The following ADCK1 variants were observed in gnomAD, a reference collection of about 807,000 sequenced individuals.
The protein encoded by ADCK1 is aarF domain containing kinase 1, also known as aarF domain-containing protein kinase 1.
In ADCK1, 41 loss-of-function variants were observed where a neutral mutation model predicts 52.3. The ratio of observed to expected loss-of-function variants is 0.78; its 90% CI spans 0.61 to 1.02. The LOEUF is 1.02. ADCK1 is among the 50% of genes least tolerant of loss of function. The pLI is 0.00. For missense variants in ADCK1, 658 were observed against 679.5 expected (o/e 0.97, Z 0.35); for synonymous variants, 250 against 274.6 (o/e 0.91, Z 0.89).
At chr14:77,839,792 G>A (rs527577157) in intron 3 of ADCK1, among the ~76,000 whole-genome samples, 8 of 151,902 alleles carry the variant, frequency 5.3e-5, no homozygotes, top group African/African-American at 1.9e-4. Flanking sequence ...GTGTGGTAGT[G>A]CGCGCCTCCT....
chr14:77,847,801 A>C (rs549870177), intron 3 of ADCK1, among the ~76,000 whole-genome samples: 5 of 152,152 alleles, frequency 3.3e-5, no homozygotes, highest in African/African-American at 1.2e-4. Context: ...AATGATTCCC[A>C]ATCTGTTTCT....
At chr14:77,917,800 T>C (rs963649406) in intron 7 of ADCK1, among the ~76,000 whole-genome samples, 2 of 152,196 alleles carry the variant, frequency 1.3e-5, no homozygotes, top group Non-Finnish European at 2.9e-5. Context: ...GATTTCCCAC[T>C]GAGACTCTTT....
intron 6 of ADCK1, among the ~76,000 whole-genome samples, chr14:77,906,127 A>C (rs2083659764): frequency 1.3e-5 from 2 of 152,244 alleles, no homozygotes; most frequent in Non-Finnish European, 2.9e-5. Flanking sequence ...TGGGATGTAA[A>C]GAAGTTAAGT....
chr14:77,913,196 G>A (rs28580220), intron 7 of ADCK1, among the ~76,000 whole-genome samples: 6,119 of 152,306 alleles, frequency 0.04, 417 homozygotes, highest in African/African-American at 0.14. Flanking sequence ...GTAGAAGTTT[G>A]CAAGAATCTG....
intron 3 of ADCK1, chr14:77,827,860 G>C: frequency 2.4e-6 from 1 of 410,700 alleles, no homozygotes; most frequent in Admixed American, 3.0e-5. Flanking sequence ...CTAGAGTCTT[G>C]CTGTATCTCC....
chr14:77,907,175 A>G (rs1193790202), intron 6 of ADCK1, among the ~76,000 whole-genome samples: 1 of 152,046 alleles, frequency 6.6e-6, no homozygotes, highest in Non-Finnish European at 1.5e-5. Context: ...CAGCCTCCCA[A>G]AGTGCTGGGA....
Position 77,852,752 on chromosome 14 carries a change from T to C in ADCK1, c.220-6324T>C, listed in dbSNP as rs1392175148. On this transcript the variant is annotated intron_variant, in intron 3 of 10. Transcript: ENST00000238561. ...TTGGGGACTTCAACTACATATTTAC[T>C]AGGCTGCTTGAATTTGTTCCACAGT... Among the ~76,000 whole-genome samples, 9 of 135,380 alleles carry C rather than the reference T, an allele frequency of 6.6e-5. No individual in the cohort carries two copies. In the Admixed American group the frequency reaches 6.8e-4, roughly 10 times the overall value. The allele number at this position is 135,380 out of a possible 152,430, so 88.8% of individuals were successfully genotyped here.
chr14:77,812,071 G>A (rs947445251), intron 1 of ADCK1, among the ~76,000 whole-genome samples: 1 of 152,142 alleles, frequency 6.6e-6, no homozygotes, highest in African/African-American at 2.4e-5. Context: ...TGTGTACTGT[G>A]TAATGATTAC....
At chr14:77,807,038 C>CTCT (rs1555345731) in intron 1 of ADCK1, among the ~76,000 whole-genome samples, 6 of 99,242 alleles carry the variant, frequency 6.0e-5, no homozygotes, top group African/African-American at 1.6e-4. Flanking sequence ...CTCTCTCTCT[C>CTCT]TTTTTTTTTT....
chr14:77,878,930 C>CG (rs1035956111), intron 4 of ADCK1, among the ~76,000 whole-genome samples: 5 of 150,626 alleles, frequency 3.3e-5, no homozygotes, highest in Admixed American at 1.3e-4. Context: ...CCCTTCCCCC[C>CG]CCACGAATGA....
At chr14:77,924,360 C>G in intron 7 of ADCK1, 97 bp from the exon 8 acceptor site, 1 of 1,489,244 alleles carries the variant, frequency 6.7e-7, no homozygotes, top group Non-Finnish European at 9.0e-7. Flanking sequence ...TTTTCTCTGG[C>G]CTCCCCTTAA....
At chr14:77,899,636 G>A (rs887081241) in intron 6 of ADCK1, among the ~76,000 whole-genome samples, 4 of 152,196 alleles carry the variant, frequency 2.6e-5, no homozygotes, top group Non-Finnish European at 4.4e-5. Context: ...TTAAACACAT[G>A]TGTTTTACCT....
intron 3 of ADCK1, among the ~76,000 whole-genome samples, chr14:77,856,253 GA>G (rs1594947716): frequency 6.6e-6 from 1 of 151,966 alleles, no homozygotes; most frequent in Non-Finnish European, 1.5e-5. Context: ...TTATATAGAA[GA>G]AAAAAATACT....
At chr14:77,914,470 C>T (rs2083870090) in intron 7 of ADCK1, 9 of 985,414 alleles carry the variant, frequency 9.1e-6, no homozygotes, top group Non-Finnish European at 1.1e-5. Flanking sequence ...TTGCTTTCAG[C>T]AAATGATTTC....
intron 1 of ADCK1, among the ~76,000 whole-genome samples, chr14:77,808,584 ATTTAT>A (rs2081276078): frequency 6.6e-6 from 1 of 152,002 alleles, no homozygotes; most frequent in South Asian, 2.1e-4. Flanking sequence ...TTATTTATTA[ATTTAT>A]TTTGAGACAG....
intron 6 of ADCK1, among the ~76,000 whole-genome samples, chr14:77,900,920 C>T (rs541895774): frequency 1.3e-5 from 2 of 152,212 alleles, no homozygotes; most frequent in African/African-American, 2.4e-5. Flanking sequence ...AATATGAAGT[C>T]GCAGCTGTCA....
At chr14:77,912,961 C>T (rs1333099867) in intron 7 of ADCK1, among the ~76,000 whole-genome samples, 1 of 152,156 alleles carries the variant, frequency 6.6e-6, no homozygotes, top group Non-Finnish European at 1.5e-5. Context: ...CAAATCACAT[C>T]CTCTCTCTGG....
chr14:77,873,434 C>A (rs1022340615), intron 4 of ADCK1, among the ~76,000 whole-genome samples: 4 of 152,206 alleles, frequency 2.6e-5, no homozygotes, highest in Non-Finnish European at 5.9e-5. Context: ...GGAAGGGAAG[C>A]CTCGGCAACT....
rs2140041782 is a variant in ADCK1, at chr14:77,823,680, C to A, written c.219+1162C>A. 1.3e-5 allele frequency among the ~76,000 whole-genome samples: 2 copies of A among 151,850 alleles called. 1 individual carries two copies. The highest frequency in any genetic ancestry group is 6.8e-3 in the Middle Eastern group (2 of 294). On this transcript the variant is annotated intron_variant, in intron 3 of 10. Coordinates refer to ENST00000238561, the MANE Select transcript of ADCK1 (RefSeq NM_020421.4). ...CTCCGTTTCCTGGATTCAAGTGATT[C>A]TCCTGCCTCAGCCTCCTGAGTGGCT...
Sources: allele counts gnomAD v4.1 joint callset (sites outside exome capture counted in the v4.1 genomes callset), GRCh38; gene constraint gnomAD v4.1.1; transcripts MANE v1.5; gene names NCBI Gene and HGNC (gene_info 2026-07-23, HGNC 2026-07-21).